Variants in SYNE2 observed in about 807,000 individuals in gnomAD.
The protein encoded by SYNE2 is nesprin-2.
Under a neutral mutation model 856.3 loss-of-function variants are expected in SYNE2, and 431 were observed. The ratio of observed to expected loss-of-function variants is 0.50; its 90% CI spans 0.47 to 0.55. SYNE2 has a LOEUF of 0.55. Ranked by LOEUF, SYNE2 falls within the 20% of genes least tolerant of loss-of-function variation. The probability of loss-of-function intolerance (pLI) is 0.00; values close to 1 mark genes in which losing one functional copy is unlikely to be tolerated. For synonymous variants in SYNE2, 2,923 were observed against 2,872.3 expected, an observed-to-expected ratio of 1.02 and a Z score of -0.56; for missense variants, 8,129 against 8,023.2, an observed-to-expected ratio of 1.01 and a Z score of -0.50.
At chr14:64,020,159 C>A in intron 35 of SYNE2, 66 bp downstream of exon 35, 1 of 1,131,884 alleles carries the variant, frequency 8.8e-7, no homozygotes, top group Non-Finnish European at 1.3e-6. Context: ...TATCACTGCA[C>A]TCCAGCCTGG....
At chr14:64,079,517 A>C (rs1227303762) in intron 55 of SYNE2, among the ~76,000 whole-genome samples, 1 of 152,200 alleles carries the variant, frequency 6.6e-6, no homozygotes, top group Admixed American at 6.5e-5. Flanking sequence ...CTAGTCCTCA[A>C]GATAGGGAAA....
intron 97 of SYNE2, among the ~76,000 whole-genome samples, chr14:64,188,066 G>A (rs1344724892): frequency 6.6e-6 from 1 of 152,164 alleles, no homozygotes; most frequent in African/African-American, 2.4e-5. Context: ...TTGTTTTGAA[G>A]CATAACACTA....
At chr14:64,164,242 T>C (rs2098355828) in intron 89 of SYNE2, among the ~76,000 whole-genome samples, 1 of 152,148 alleles carries the variant, frequency 6.6e-6, no homozygotes, top group Non-Finnish European at 1.5e-5. Flanking sequence ...CCCGAGTAGC[T>C]GGGACTACAG....
intron 14 of SYNE2, among the ~76,000 whole-genome samples, chr14:63,979,580 A>G (rs111841926): frequency 3.8e-4 from 58 of 152,368 alleles, no homozygotes; most frequent in African/African-American, 1.2e-3. Context: ...TTCTACATTT[A>G]GACTTTGTCC....
At chr14:64,082,081 G>A (rs903176599) in intron 57 of SYNE2, among the ~76,000 whole-genome samples, 30 of 150,386 alleles carry the variant, frequency 2.0e-4, no homozygotes, top group East Asian at 1.2e-3. Flanking sequence ...GCAAGACTCC[G>A]TCTCAAAAAA....
At chr14:63,976,448 T>C in intron 11 of SYNE2, 115 bp from the exon 12 acceptor site, 2 of 1,084,450 alleles carry the variant, frequency 1.8e-6, no homozygotes, top group Admixed American at 2.2e-5. Context: ...ATTGATCACA[T>C]TTATCAGACT....
rs949678604 is a variant in SYNE2 at position 64,107,606 on chromosome 14, A to T, written c.12608A>T (p.Glu4203Val). The T allele has an allele frequency of 5.0e-6, 8 of 1,612,656 alleles. No individual in the cohort carries two copies. In the African/African-American group the frequency reaches 8.0e-5, roughly 16 times the overall value. Residue 4203 changes from glutamate to valine, a missense_variant and splice_region_variant, in exon 65 of 116, where the codon GAG (glutamate) becomes GTG (valine). Glu to Val is a moderately radical substitution (Grantham distance 121, BLOSUM62 -2). Coordinates refer to ENST00000555002, the MANE Select transcript of SYNE2 (RefSeq NM_182914.3). ...ECSLRPNQTE[E>V]GTTPPIEADT... ...TCCCTAAGGCCCAACCAAACAGAAGAGGTAAGTCCTGGTTGGTAATAAGTA... is the reference window on the plus strand; with the variant it reads ...TCCCTAAGGCCCAACCAAACAGAAGTGGTAAGTCCTGGTTGGTAATAAGTA...
chr14:64,038,564 G>C (rs1013833434), intron 45 of SYNE2, among the ~76,000 whole-genome samples: 1 of 152,260 alleles, frequency 6.6e-6, no homozygotes, highest in African/African-American at 2.4e-5. Flanking sequence ...TGAGCACCGA[G>C]TGAACTAGAC....
chr14:64,162,580 G>A (rs968159746), intron 88 of SYNE2: 2 of 423,946 alleles, frequency 4.7e-6, no homozygotes, highest in African/African-American at 2.0e-5. Context: ...AAAAGCAAGT[G>A]TCTCAACTGA....
rs147658342 is a variant in SYNE2, at chr14:63,965,942, T to A, written c.991-1767T>A. 2.8e-4 allele frequency among the ~76,000 whole-genome samples: 43 copies of A among 152,292 alleles called. No individual in the cohort carries two copies. In the East Asian group the frequency reaches 6.9e-3, roughly 25 times the overall value. On this transcript the variant is annotated intron_variant, in intron 10 of 115. Transcript: ENST00000555002. The stretch of plus-strand genomic sequence containing the variant: ...CTTTGATTTAATAATGTATCACAGA[T>A]TTGGGTTTCCTAAATAGGAAGAAGG...
At chr14:63,982,564 T>A (rs942058402) in intron 16 of SYNE2, 66 bp from the exon 17 acceptor site, 1 of 1,484,954 alleles carries the variant, frequency 6.7e-7, no homozygotes, top group East Asian at 2.3e-5. Context: ...TGGTGAACAT[T>A]GATTATACAT....
At chr14:63,949,728 C>T in intron 6 of SYNE2, 97 bp from the exon 7 acceptor site, 1 of 1,211,698 alleles carries the variant, frequency 8.3e-7, no homozygotes, top group South Asian at 1.2e-5. Context: ...ATGACTGTCA[C>T]AGGATGCTTT....
At position 64,052,282 on chromosome 14, in the gene SYNE2, A is replaced by G; in HGVS notation, c.8369A>G (p.Lys2790Arg). ...QSVESLAEEV[K>R]DKVPSLTTYE... Reference sequence around the variant, plus strand: ...GTGGAATCGTTGGCTGAAGAGGTCAAAGATAAGGTTCCTAGCCTTACAACC... The same window carrying G: ...GTGGAATCGTTGGCTGAAGAGGTCAGAGATAAGGTTCCTAGCCTTACAACC... Residue 2790 changes from lysine to arginine, a missense_variant, in exon 48 of 116, where the codon AAA becomes AGA. Lys to Arg is a conservative substitution (Grantham distance 26). Around this residue, in one of 3 missense-constraint regions of SYNE2, gnomAD observed 5,410 missense variants for 5,284.8 expected, o/e 1.02. Transcript: ENST00000555002. 6.2e-7 allele frequency: 1 copy of G among 1,614,232 alleles called. No individual in the cohort carries two copies. Among genetic ancestry groups the G allele is most frequent in the South Asian group, 1.1e-5 (1 of 91,086 alleles).
At chr14:64,113,806 T>C (rs1595607759) in intron 66 of SYNE2, among the ~76,000 whole-genome samples, 1 of 152,326 alleles carries the variant, frequency 6.6e-6, no homozygotes, top group African/African-American at 2.4e-5. Flanking sequence ...TCTGTCACAT[T>C]AGCTGTGAAC....
At chr14:63,944,824 C>CTTTTTTTTTTTTTTTTTTTTTTTTTTT (rs55906748) in intron 6 of SYNE2, among the ~76,000 whole-genome samples, 6 of 46,948 alleles carry the variant, frequency 1.3e-4, no homozygotes, top group African/African-American at 2.0e-4. Flanking sequence ...GGGCTTAAAG[C>CTTTTTTTTTTTTTTTTTTTTTTTTTTT]TTTTTTTTTT....
At position 64,215,371 on chromosome 14, in the gene SYNE2, G is replaced by A; in HGVS notation, c.19402+17G>A. ...CGTCTTCTGGTAGGCCCCCGCCCATGCATGTGTCAACATGGCAGCATCCTG... is the reference window on the plus strand; with the variant it reads ...CGTCTTCTGGTAGGCCCCCGCCCATACATGTGTCAACATGGCAGCATCCTG... On this transcript the variant is annotated intron_variant, in intron 107 of 115. Transcript: ENST00000555002. The A allele has an allele frequency of 6.2e-7, 1 of 1,613,484 alleles. No homozygotes were observed. The highest frequency in any genetic ancestry group is 8.5e-7 in the Non-Finnish European group (1 of 1,179,596).
rs765699655 is a variant in SYNE2, at chr14:64,186,426, A to T, written c.17559A>T (p.Glu5853Asp). Residue 5853 changes from glutamate to aspartate, a missense_variant and splice_region_variant, in exon 97 of 116, where the codon GAA becomes GAT. Physicochemically the swap from Glu to Asp is conservative, Grantham distance 45. Coordinates refer to ENST00000555002, the MANE Select transcript of SYNE2 (RefSeq NM_182914.3). ...CCCCTTCTTGTGATTAAATGCAGGA[A>T]CTAGAACAGTCTTTGGCTAGCTGGA... ...DLHNEKELIK[E>D]LEQSLASWTQ... 2.5e-6 allele frequency: 4 copies of T among 1,614,080 alleles called. No individual in the cohort carries two copies. The Admixed American group carries it at 6.7e-5, about 27-fold the overall frequency.
At chr14:64,089,453 G>T in intron 58 of SYNE2, 121 bp from the exon 59 acceptor site, 1 of 748,890 alleles carries the variant, frequency 1.3e-6, no homozygotes, top group Non-Finnish European at 2.1e-6. Context: ...TAGTTTTTCA[G>T]AGGTATAGAT....
In SYNE2 at chr14:64,167,609, T is replaced by C. The variant is rs372506361; in HGVS notation, c.16875T>C (p.Pro5625=). 1.9e-6 allele frequency: 3 copies of C among 1,614,262 alleles called. No individual in the cohort carries two copies. The highest frequency in any genetic ancestry group is 2.5e-6 in the Non-Finnish European group (3 of 1,180,050). ...ALKVDVANSL[P]ELLEQQKTYK... ...AAGTGGATGTGGCTAACAGCCTTCC[T>C]GAGCTCCTGGAGCAGCAGAAAACCT... Residue 5625 remains proline, a synonymous_variant, in exon 92 of 116, where the codon CCT becomes CCC. Transcript: ENST00000555002.
Sources: allele counts gnomAD v4.1 joint callset (sites outside exome capture counted in the v4.1 genomes callset), GRCh38; gene constraint gnomAD v4.1.1; regional missense constraint gnomAD v4.1.1; transcripts MANE v1.5; gene names NCBI Gene and HGNC (gene_info 2026-07-23, HGNC 2026-07-21).